PDZRN4: variants seen among roughly 807,000 people sequenced by gnomAD.
PDZRN4 encodes the protein PDZ domain-containing RING finger protein 4.
PDZRN4 carries 70 observed loss-of-function variants against 99.0 expected under a neutral mutation model. The ratio of observed to expected loss-of-function variants is 0.71; its 90% CI spans 0.58 to 0.86. The LOEUF is 0.86. PDZRN4 is among the 40% of genes least tolerant of loss of function. The pLI, the probability that PDZRN4 is intolerant of heterozygous loss-of-function variation, is 0.00. For missense variants in PDZRN4, 1,474 were observed against 1,331.2 expected (o/e 1.11, Z -1.67); for synonymous variants, 551 against 501.6 (o/e 1.10, Z -1.32).
intron 8 of PDZRN4, among the ~76,000 whole-genome samples, chr12:41,567,173 G>A (rs562601169): frequency 3.7e-4 from 56 of 152,288 alleles, no homozygotes; most frequent in Non-Finnish European, 7.6e-4. Flanking sequence ...AATTAAAATA[G>A]ACATGGAGTA....
At chr12:41,412,094 A>C (rs1952404405) in intron 3 of PDZRN4, 1 of 152,210 alleles carries the variant, frequency 6.6e-6, no homozygotes, top group African/African-American at 2.4e-5. Flanking sequence ...GTAAGGGTCC[A>C]CTCATTGAAA....
At chr12:41,309,793 T>C (rs1446509139) in intron 3 of PDZRN4, among the ~76,000 whole-genome samples, 2 of 152,076 alleles carry the variant, frequency 1.3e-5, no homozygotes, top group African/African-American at 4.8e-5. Flanking sequence ...TAAAAAATAC[T>C]TCACACTAAT....
intron 3 of PDZRN4, among the ~76,000 whole-genome samples, chr12:41,459,019 TTCAAAGGAGGAATTAGG>T (rs1441683701): frequency 5.6e-5 from 2 of 35,614 alleles, no homozygotes; most frequent in Non-Finnish European, 1.1e-4. Flanking sequence ...GAGATCAGAG[TTCAAAGGAGGAATTAGG>T]TTTGAGATCA....
intron 3 of PDZRN4, among the ~76,000 whole-genome samples, chr12:41,245,400 A>G (rs1374780579): frequency 6.6e-6 from 1 of 152,200 alleles, no homozygotes; most frequent in Non-Finnish European, 1.5e-5. Flanking sequence ...AATGTTAATA[A>G]AATAAGAGCT....
chr12:41,431,824 C>G (rs1358105325), intron 3 of PDZRN4, among the ~76,000 whole-genome samples: 1 of 152,148 alleles, frequency 6.6e-6, no homozygotes, highest in African/African-American at 2.4e-5. Context: ...ATCTGTTGAG[C>G]TATAACCAAG....
chr12:41,237,799 A>T (rs1951076987), intron 3 of PDZRN4, among the ~76,000 whole-genome samples: 1 of 151,980 alleles, frequency 6.6e-6, no homozygotes, highest in Non-Finnish European at 1.5e-5. Context: ...CTTATTTCTG[A>T]GATCTCTATT....
intron 3 of PDZRN4, among the ~76,000 whole-genome samples, chr12:41,366,132 C>T (rs1455655944): frequency 6.6e-6 from 1 of 152,060 alleles, no homozygotes; most frequent in Non-Finnish European, 1.5e-5. Flanking sequence ...AGTGTCCTGC[C>T]TTGTATTGAC....
chr12:41,422,892 T>A (rs1293721608), intron 3 of PDZRN4, among the ~76,000 whole-genome samples: 1 of 152,162 alleles, frequency 6.6e-6, no homozygotes, highest in East Asian at 1.9e-4. Context: ...ATTTCTTTTG[T>A]CAATATGGCA....
At chr12:41,455,303 T>C (rs1171535348) in intron 3 of PDZRN4, among the ~76,000 whole-genome samples, 1 of 152,106 alleles carries the variant, frequency 6.6e-6, no homozygotes, top group Admixed American at 6.5e-5. Context: ...CTAAAATAAC[T>C]CCCTTAGATA....
intron 5 of PDZRN4, among the ~76,000 whole-genome samples, chr12:41,537,298 G>A (rs1938765667): frequency 1.3e-5 from 2 of 152,288 alleles, no homozygotes; most frequent in South Asian, 2.1e-4. Flanking sequence ...TGTGGCAAAT[G>A]GGCAATGAGC....
intron 3 of PDZRN4, among the ~76,000 whole-genome samples, chr12:41,415,153 A>G (rs1281969647): frequency 6.6e-6 from 1 of 151,914 alleles, no homozygotes; most frequent in Non-Finnish European, 1.5e-5. Context: ...GCCATAGAGA[A>G]CTTGTGGAAA....
intron 5 of PDZRN4, among the ~76,000 whole-genome samples, chr12:41,541,055 G>A (rs776984844): frequency 2.0e-5 from 3 of 151,988 alleles, no homozygotes; most frequent in Non-Finnish European, 2.9e-5. Flanking sequence ...CTCCCGAGTA[G>A]CTGGGACTAC....
Position 41,357,716 on chromosome 12 carries a change from A to G in PDZRN4, c.844-148740A>G, listed in dbSNP as rs562636113. ...GCAACTTTTTGAATTTTGTGAGGCA[A>G]TAGGTTTTGGCTCATCTCTGATGAC... is the stretch of plus-strand genomic sequence containing the variant. On this transcript the variant is annotated intron_variant, in intron 3 of 9. Coordinates refer to ENST00000402685, the MANE Select transcript of PDZRN4 (RefSeq NM_001164595.2). 1.4e-4 allele frequency among the ~76,000 whole-genome samples: 21 copies of G among 152,086 alleles called. No individual in the cohort carries two copies. The South Asian group carries it at 4.3e-3, about 32-fold the overall frequency.
intron 3 of PDZRN4, among the ~76,000 whole-genome samples, chr12:41,223,011 T>TA (rs1950968540): frequency 6.6e-6 from 1 of 152,216 alleles, no homozygotes; most frequent in African/African-American, 2.4e-5. Flanking sequence ...ATTTTTGCTT[T>TA]ATTATTAGCT....
intron 3 of PDZRN4, among the ~76,000 whole-genome samples, chr12:41,504,711 C>T (rs1229555706): frequency 6.6e-6 from 1 of 152,034 alleles, no homozygotes; most frequent in East Asian, 1.9e-4. Flanking sequence ...GTCTCATGTC[C>T]ACATATCCTC....
At chr12:41,346,618 A>G (rs1338597176) in intron 3 of PDZRN4, among the ~76,000 whole-genome samples, 2 of 152,194 alleles carry the variant, frequency 1.3e-5, no homozygotes, top group Non-Finnish European at 2.9e-5. Flanking sequence ...ATACAGATAT[A>G]TCAGTATTGC....
At position 41,573,062 on chromosome 12, in the gene PDZRN4, A is replaced by C. The variant is rs749942240; in HGVS notation, c.2283A>C (p.Pro761=). 1.2e-6 allele frequency: 2 copies of C among 1,614,186 alleles called. No individual in the cohort carries two copies. The highest frequency in any genetic ancestry group is 1.7e-6 in the Non-Finnish European group (2 of 1,180,020). Residue 761 remains proline, a synonymous_variant, in exon 10 of 10, where the codon CCA becomes CCC. Transcript: ENST00000402685. ...TVDRSPDSSL[P]RVINLTNKKN... ...ACCGTTCCCCTGACAGTTCCCTTCC[A>C]AGGGTGATCAACCTCACCAATAAGA...
intron 3 of PDZRN4, among the ~76,000 whole-genome samples, chr12:41,278,801 A>T (rs1951365674): frequency 6.6e-6 from 1 of 152,166 alleles, no homozygotes; most frequent in South Asian, 2.1e-4. Flanking sequence ...TGAACTTTCT[A>T]ATTTCTAAAT....
At chr12:41,542,287 T>C (rs139898586) in intron 5 of PDZRN4, among the ~76,000 whole-genome samples, 19 of 152,326 alleles carry the variant, frequency 1.2e-4, no homozygotes, top group African/African-American at 4.1e-4. Context: ...CAATAGGGAT[T>C]TGAGCCTCTC....
Sources: gnomAD v4.1 joint callset for allele counts (sites outside exome capture counted in the v4.1 genomes callset) on GRCh38, gnomAD v4.1.1 for gene constraint, MANE v1.5 for transcripts, NCBI Gene and HGNC (gene_info 2026-07-23, HGNC 2026-07-21) for gene names.